CDH12: variants seen among roughly 807,000 people sequenced by gnomAD.
CDH12 encodes the protein cadherin 12, also known as cadherin-12.
CDH12 carries 41 observed loss-of-function variants against 74.1 expected under a neutral mutation model. That is an observed-to-expected ratio of 0.55 (90% CI 0.43 to 0.72). The LOEUF (loss-of-function observed/expected upper bound fraction) is 0.72. CDH12 is among the 30% of genes least tolerant of loss of function. CDH12 has a pLI of 0.00. For synonymous variants in CDH12, 399 were observed against 355.0 expected, an observed-to-expected ratio of 1.12 and a Z score of -1.39; for missense variants, 945 against 977.2, an observed-to-expected ratio of 0.97 and a Z score of 0.44.
intron 4 of CDH12, 190 bp downstream of exon 4, chr5:22,212,308 T>C (rs1253449966): frequency 1.3e-5 from 2 of 153,906 alleles, no homozygotes; most frequent in African/African-American, 4.8e-5. Flanking sequence ...GCAGAATGAA[T>C]GTATTTCAGA....
intron 5 of CDH12, among the ~76,000 whole-genome samples, chr5:22,023,316 C>G (rs1457026477): frequency 6.6e-6 from 1 of 152,024 alleles, no homozygotes; most frequent in East Asian, 1.9e-4. Context: ...TATTTTAATA[C>G]CCTGTTATTT....
At chr5:22,756,356 GAC>G (rs1745912295) in intron 1 of CDH12, among the ~76,000 whole-genome samples, 1 of 152,026 alleles carries the variant, frequency 6.6e-6, no homozygotes, top group Non-Finnish European at 1.5e-5. Context: ...AGTTAGGAAT[GAC>G]ACACTTCAGT....
intron 1 of CDH12, among the ~76,000 whole-genome samples, chr5:22,725,340 C>T (rs897011728): frequency 1.3e-5 from 2 of 151,790 alleles, no homozygotes; most frequent in Non-Finnish European, 2.9e-5. Context: ...TATTTTTCCC[C>T]TATGGGGGAA....
chr5:22,072,752 C>T (rs895400182), intron 5 of CDH12, among the ~76,000 whole-genome samples: 1 of 151,926 alleles, frequency 6.6e-6, no homozygotes, highest in Non-Finnish European at 1.5e-5. Context: ...TGATGTTCCC[C>T]TTTCTGTGTC....
intron 1 of CDH12, among the ~76,000 whole-genome samples, chr5:22,639,841 G>A (rs1014634264): frequency 6.6e-6 from 1 of 152,094 alleles, no homozygotes; most frequent in Non-Finnish European, 1.5e-5. Flanking sequence ...AAATTCAAGA[G>A]GGAGTGCTCA....
At chr5:22,198,518 A>G (rs1750748581) in intron 4 of CDH12, among the ~76,000 whole-genome samples, 1 of 152,110 alleles carries the variant, frequency 6.6e-6, no homozygotes, top group East Asian at 1.9e-4. Context: ...TCTGCTGTTT[A>G]AAAGATACCT....
intron 1 of CDH12, among the ~76,000 whole-genome samples, chr5:22,830,612 A>G (rs917049239): frequency 6.7e-6 from 1 of 150,042 alleles, no homozygotes; most frequent in Non-Finnish European, 1.5e-5. Context: ...GTGTGTGTAC[A>G]TATATATACA....
At chr5:22,802,031 G>A (rs1748556010) in intron 1 of CDH12, among the ~76,000 whole-genome samples, 1 of 151,574 alleles carries the variant, frequency 6.6e-6, no homozygotes, top group Non-Finnish European at 1.5e-5. Context: ...GCATTACATG[G>A]TGATTGCCTA....
Position 22,721,782 on chromosome 5 carries a change from T to C in CDH12, c.-523+131276A>G, listed in dbSNP as rs369383696. Among the ~76,000 whole-genome samples the C allele has an allele frequency of 1.8e-4, 27 of 152,234 alleles. No homozygotes were observed. The East Asian group carries it at 5.2e-3, about 30-fold the overall frequency. On this transcript the variant is annotated intron_variant, in intron 1 of 14. Transcript: ENST00000382254. ...GCAGCTTTTTCCAATGCTGTTGTCATGATAGAGAGTGAGTTTTCATGATAT... is the reference window on the plus strand; with the variant it reads ...GCAGCTTTTTCCAATGCTGTTGTCACGATAGAGAGTGAGTTTTCATGATAT...
chr5:22,617,339 T>G (rs1737742761), intron 1 of CDH12, among the ~76,000 whole-genome samples: 1 of 152,050 alleles, frequency 6.6e-6, no homozygotes, highest in Non-Finnish European at 1.5e-5. Flanking sequence ...AGAAATAAAT[T>G]TTTGTTGTTT....
At chr5:21,961,832 T>A (rs183663192) in intron 6 of CDH12, among the ~76,000 whole-genome samples, 260 of 152,266 alleles carry the variant, frequency 1.7e-3, no homozygotes, top group African/African-American at 6.0e-3. Context: ...GCACCTAGTT[T>A]ATGGTACTTT....
intron 6 of CDH12, among the ~76,000 whole-genome samples, chr5:21,921,260 A>G (rs1473098678): frequency 1.3e-5 from 2 of 152,220 alleles, no homozygotes; most frequent in African/African-American, 4.8e-5. Flanking sequence ...AAGCCTTAAA[A>G]TCATAAATGA....
chr5:22,509,019 T>A (rs1199518816), intron 1 of CDH12, among the ~76,000 whole-genome samples: 1 of 152,088 alleles, frequency 6.6e-6, no homozygotes, highest in Non-Finnish European at 1.5e-5. Flanking sequence ...TCCGCTTCCA[T>A]AGGGGAGAAA....
chr5:22,343,025 T>G (rs926520468), intron 3 of CDH12, among the ~76,000 whole-genome samples: 6 of 151,858 alleles, frequency 4.0e-5, no homozygotes, highest in Non-Finnish European at 8.8e-5. Flanking sequence ...TGGCTAATTT[T>G]TGTATTTTTA....
chr5:22,824,330 A>G (rs1037050202), intron 1 of CDH12, among the ~76,000 whole-genome samples: 1 of 152,182 alleles, frequency 6.6e-6, no homozygotes, highest in Admixed American at 6.6e-5. Context: ...GATGATCCAG[A>G]TGAAATATTT....
At chr5:22,325,688 C>G (rs1179557885) in intron 3 of CDH12, among the ~76,000 whole-genome samples, 1 of 152,110 alleles carries the variant, frequency 6.6e-6, no homozygotes, top group Non-Finnish European at 1.5e-5. Context: ...AGATCGAGAC[C>G]ATCCTGGCTA....
chr5:21,959,857 C>T (rs1324665944), intron 6 of CDH12, among the ~76,000 whole-genome samples: 6 of 138,502 alleles, frequency 4.3e-5, no homozygotes, highest in South Asian at 2.4e-4. Context: ...ACCCGGGAGG[C>T]GGAGATTGCA....
At chr5:22,365,229 C>T (rs1740979178) in intron 3 of CDH12, among the ~76,000 whole-genome samples, 1 of 152,100 alleles carries the variant, frequency 6.6e-6, no homozygotes. Flanking sequence ...TTATTAATGG[C>T]TGATAACTTG....
In CDH12 at chr5:22,502,597, T is replaced by C. The variant is rs1051424575; in HGVS notation, c.-428+2673A>G. On this transcript the variant is annotated intron_variant, in intron 2 of 14. Transcript: ENST00000382254. ...AAATTGGTGCTCCCAAAAGATCTGA[T>C]ATATATATAATCTCCCAGTCTATTG... is the stretch of plus-strand genomic sequence containing the variant. Among the ~76,000 whole-genome samples the C allele has an allele frequency of 7.2e-5, 11 of 151,802 alleles. No individual in the cohort carries two copies. The Admixed American group carries it at 7.2e-4, about 10-fold the overall frequency.
Sources: gnomAD v4.1 joint callset for allele counts (sites outside exome capture counted in the v4.1 genomes callset) on GRCh38, gnomAD v4.1.1 for gene constraint, MANE v1.5 for transcripts, NCBI Gene and HGNC (gene_info 2026-07-23, HGNC 2026-07-21) for gene names.